Variants in PPM1L observed in about 807,000 individuals in gnomAD.
PPM1L encodes the protein protein phosphatase, Mg2+/Mn2+ dependent 1L.
A neutral mutation model predicts 31.4 loss-of-function variants in PPM1L; 13 were observed. The observed-to-expected ratio is 0.41, with a 90% CI of 0.27 to 0.66. The LOEUF (loss-of-function observed/expected upper bound fraction) is 0.66, where lower values mean the gene tolerates loss of function less well. Ranked by LOEUF, PPM1L falls within the 30% of genes least tolerant of loss-of-function variation. The pLI is 0.29. For missense variants in PPM1L, 326 were observed against 453.7 expected, an observed-to-expected ratio of 0.72 and a Z score of 2.56; for synonymous variants, 184 against 175.4, an observed-to-expected ratio of 1.05 and a Z score of -0.39.
chr3:160,827,319 A>T (rs6793181), intron 1 of PPM1L, among the ~76,000 whole-genome samples: 186 of 151,220 alleles, frequency 1.2e-3, no homozygotes, highest in African/African-American at 4.2e-3. Context: ...CTGATTTTTT[A>T]AAAAAATTAA....
intron 1 of PPM1L, among the ~76,000 whole-genome samples, chr3:160,864,774 C>T (rs1244189899): frequency 6.6e-6 from 1 of 152,164 alleles, no homozygotes; most frequent in Non-Finnish European, 1.5e-5. Context: ...AAGGCCCAGT[C>T]CTCATCTGGG....
intron 1 of PPM1L, among the ~76,000 whole-genome samples, chr3:160,958,920 G>A (rs976391388): frequency 6.6e-6 from 1 of 152,080 alleles, no homozygotes; most frequent in Non-Finnish European, 1.5e-5. Context: ...AGAAAATCAT[G>A]AAGGTTATAA....
intron 1 of PPM1L, among the ~76,000 whole-genome samples, chr3:160,940,294 T>G (rs902465922): frequency 6.6e-6 from 1 of 152,214 alleles, no homozygotes; most frequent in African/African-American, 2.4e-5. Context: ...AAAACCCATT[T>G]TCTGGTGAGA....
intron 1 of PPM1L, among the ~76,000 whole-genome samples, chr3:160,884,061 C>A (rs985365384): frequency 6.6e-6 from 1 of 151,834 alleles, no homozygotes; most frequent in African/African-American, 2.4e-5. Flanking sequence ...CAGAGTGAGA[C>A]CCTGTCTCAA....
chr3:161,046,891 C>G (rs1210868295), intron 2 of PPM1L, among the ~76,000 whole-genome samples: 5 of 152,116 alleles, frequency 3.3e-5, no homozygotes, highest in East Asian at 1.9e-4. Flanking sequence ...ATTCAACAGC[C>G]CTTCATGCTA....
intron 1 of PPM1L, among the ~76,000 whole-genome samples, chr3:160,818,884 A>C (rs1713073628): frequency 6.6e-6 from 1 of 151,926 alleles, no homozygotes; most frequent in South Asian, 2.1e-4. Context: ...TGACTTTTTA[A>C]AAAATTTATT....
chr3:161,041,056 C>T (rs182606226), intron 2 of PPM1L, among the ~76,000 whole-genome samples: 2 of 152,286 alleles, frequency 1.3e-5, no homozygotes, highest in African/African-American at 4.8e-5. Flanking sequence ...CATTTGTCAT[C>T]TACTGTCTCT....
At chr3:161,050,182 CAG>C (rs1165362394) in intron 2 of PPM1L, among the ~76,000 whole-genome samples, 3 of 152,142 alleles carry the variant, frequency 2.0e-5, no homozygotes, top group Non-Finnish European at 4.4e-5. Flanking sequence ...AAACAGAAAA[CAG>C]GGAGTCAGTA....
At chr3:160,990,973 C>T (rs1408785752) in intron 2 of PPM1L, among the ~76,000 whole-genome samples, 2 of 151,750 alleles carry the variant, frequency 1.3e-5, no homozygotes, top group African/African-American at 4.8e-5. Context: ...AGGATCACTG[C>T]TTTGTAGGGG....
In PPM1L at chr3:161,072,219, C is replaced by T. The variant is rs1719947606; in HGVS notation, c.*3062C>T. The T allele has an allele frequency of 1.3e-5, 2 of 152,056 alleles. No homozygotes were observed. Among genetic ancestry groups the T allele is most frequent in the African/African-American group, 4.8e-5 (2 of 41,340 alleles). The allele number at this position is 152,056 out of a possible 1,614,324, so 9.4% of individuals were successfully genotyped here. ...ATATAGAAAGCTCCAAAGCTGTTCC[C>T]AAGACCTGTATTATTTATTTTATAT... On this transcript the variant is annotated 3_prime_UTR_variant, in exon 4 of 4. Coordinates refer to ENST00000498165, the MANE Select transcript of PPM1L (RefSeq NM_139245.4).
chr3:160,883,252 CT>C (rs943226070), intron 1 of PPM1L, among the ~76,000 whole-genome samples: 1 of 151,864 alleles, frequency 6.6e-6, no homozygotes, highest in Non-Finnish European at 1.5e-5. Flanking sequence ...TAAAATAAAA[CT>C]TTTTTTTACC....
chr3:160,944,902 G>A (rs564691844), intron 1 of PPM1L, among the ~76,000 whole-genome samples: 2 of 42,272 alleles, frequency 4.7e-5, no homozygotes, highest in African/African-American at 8.3e-5. Context: ...TATAACTGAT[G>A]TTACATATAT....
chr3:160,905,677 G>A (rs2108057948), intron 1 of PPM1L, among the ~76,000 whole-genome samples: 1 of 152,188 alleles, frequency 6.6e-6, no homozygotes, highest in Admixed American at 6.5e-5. Context: ...TATACCAAAA[G>A]GAAGTCATCA....
chr3:160,802,694 A>G (rs894106140), intron 1 of PPM1L, among the ~76,000 whole-genome samples: 4 of 152,216 alleles, frequency 2.6e-5, no homozygotes, highest in African/African-American at 7.2e-5. Context: ...ATACTAGGAG[A>G]CAGTGTGGTA....
chr3:160,986,108 C>T (rs1716956264), intron 2 of PPM1L, among the ~76,000 whole-genome samples: 1 of 152,178 alleles, frequency 6.6e-6, no homozygotes, highest in Non-Finnish European at 1.5e-5. Context: ...AAACTGTCTT[C>T]TTTCACATCT....
intron 1 of PPM1L, among the ~76,000 whole-genome samples, chr3:160,913,167 G>A (rs1714033413): frequency 6.6e-6 from 1 of 152,110 alleles, no homozygotes; most frequent in Admixed American, 6.6e-5. Context: ...AGCTCAAAGA[G>A]TTTTAGGCCC....
intron 2 of PPM1L, among the ~76,000 whole-genome samples, chr3:160,976,706 G>T (rs1190138444): frequency 1.3e-5 from 2 of 152,094 alleles, no homozygotes; most frequent in Admixed American, 6.5e-5. Flanking sequence ...TATTTCTGTG[G>T]GATTGGTGGT....
At chr3:161,040,647 A>G (rs1718881860) in intron 2 of PPM1L, among the ~76,000 whole-genome samples, 1 of 152,316 alleles carries the variant, frequency 6.6e-6, no homozygotes, top group South Asian at 2.1e-4. Flanking sequence ...AACATTCTAA[A>G]GTCAGAGTGG....
At chr3:161,064,858 G>A (rs1719676396) in intron 2 of PPM1L, among the ~76,000 whole-genome samples, 1 of 151,956 alleles carries the variant, frequency 6.6e-6, no homozygotes, top group Non-Finnish European at 1.5e-5. Context: ...CCCTGGAGTG[G>A]ACCTGTTTCT....
Sources: gnomAD v4.1 joint callset for allele counts (sites outside exome capture counted in the v4.1 genomes callset) on GRCh38, gnomAD v4.1.1 for gene constraint, MANE v1.5 for transcripts, NCBI Gene and HGNC (gene_info 2026-07-23, HGNC 2026-07-21) for gene names.